The following NEK10 variants were observed in gnomAD, a reference collection of about 807,000 sequenced individuals.
NEK10 encodes serine/threonine-protein kinase Nek10.
NEK10 carries 122 observed loss-of-function variants against 159.8 expected under a neutral mutation model. The ratio of observed to expected loss-of-function variants is 0.76; its 90% confidence interval spans 0.66 to 0.89. The LOEUF (loss-of-function observed/expected upper bound fraction) is 0.89, where lower values mean the gene tolerates loss of function less well. Among genes scored for constraint, NEK10 ranks in the 40% least tolerant of loss-of-function variants. The pLI is 0.00. For missense variants in NEK10, 1,342 were observed against 1,323.1 expected, an observed-to-expected ratio of 1.01 and a Z score of -0.22; for synonymous variants, 466 against 457.1, an observed-to-expected ratio of 1.02 and a Z score of -0.25.
intron 23 of NEK10, chr3:27,255,281 T>C (rs1186456694): frequency 3.4e-5 from 15 of 436,556 alleles, no homozygotes; most frequent in South Asian, 1.2e-4. Flanking sequence ...TGCCACAGTT[T>C]CTTTGCATCT....
chr3:27,249,763 T>C (rs1955465653), intron 23 of NEK10, among the ~76,000 whole-genome samples: 1 of 152,200 alleles, frequency 6.6e-6, no homozygotes, highest in South Asian at 2.1e-4. Context: ...CATTTTGTCA[T>C]TTATGTTTTC....
chr3:27,280,908 ATATGG>A (rs959449045), intron 22 of NEK10, among the ~76,000 whole-genome samples: 5 of 118,440 alleles, frequency 4.2e-5, no homozygotes, highest in South Asian at 2.6e-4. Context: ...GTATATGTAC[ATATGG>A]TGTGTGTGTG....
At chr3:27,155,396 G>A (rs1211029673) in intron 30 of NEK10, among the ~76,000 whole-genome samples, 1 of 151,888 alleles carries the variant, frequency 6.6e-6, no homozygotes, top group Non-Finnish European at 1.5e-5. Flanking sequence ...CAGCTATTAG[G>A]GAGGCTGAGG....
At chr3:27,260,818 C>G (rs2040345450) in intron 22 of NEK10, among the ~76,000 whole-genome samples, 1 of 152,112 alleles carries the variant, frequency 6.6e-6, no homozygotes, top group Non-Finnish European at 1.5e-5. Flanking sequence ...CCTTGTACCT[C>G]TGGTAGAATT....
intron 5 of NEK10, among the ~76,000 whole-genome samples, chr3:27,335,124 A>T (rs2149729985): frequency 6.6e-6 from 1 of 152,254 alleles, no homozygotes; most frequent in African/African-American, 2.4e-5. Flanking sequence ...GGATCACCTG[A>T]GGTCAGGAGT....
rs2047544037 is a variant in NEK10, at chr3:27,346,235, A to G, written c.133-19T>C. 2 of 1,613,112 alleles carry G rather than the reference A, an allele frequency of 1.2e-6. No individual in the cohort carries two copies. Among genetic ancestry groups the G allele is most frequent in the African/African-American group, 1.3e-5 (1 of 74,906 alleles). On this transcript the variant is annotated intron_variant, in intron 3 of 35. Coordinates refer to ENST00000691995, the MANE Select transcript of NEK10 (RefSeq NM_001394966.1). ...CTGGAAGCTACAGAAATAGAAGCAT[A>G]GAGTACATGAGGATCACAATTCAGC...
chr3:27,199,329 A>G (rs923470307), intron 25 of NEK10, among the ~76,000 whole-genome samples: 1 of 152,352 alleles, frequency 6.6e-6, no homozygotes, highest in Non-Finnish European at 1.5e-5. Flanking sequence ...AAAAGAAGGC[A>G]TACATGTAGC....
chr3:27,239,197 CA>C (rs11337702), intron 23 of NEK10, among the ~76,000 whole-genome samples: 13,671 of 151,522 alleles, frequency 0.09, 2,032 homozygotes, highest in African/African-American at 0.31. Context: ...GTCAAGTTCA[CA>C]AAAAAAATTA....
At chr3:27,342,316 A>T (rs541715947) in intron 5 of NEK10, among the ~76,000 whole-genome samples, 3 of 152,186 alleles carry the variant, frequency 2.0e-5, no homozygotes, top group Non-Finnish European at 4.4e-5. Flanking sequence ...TTAGAAGGGA[A>T]GAAAAAAAAG....
At chr3:27,118,913 G>A (rs982408444) in intron 33 of NEK10, among the ~76,000 whole-genome samples, 1 of 152,126 alleles carries the variant, frequency 6.6e-6, no homozygotes, top group Non-Finnish European at 1.5e-5. Flanking sequence ...CAACAAAAGT[G>A]AGCATTTTTT....
intron 23 of NEK10, among the ~76,000 whole-genome samples, chr3:27,218,332 C>T (rs148792218): frequency 5.7e-4 from 86 of 152,086 alleles, no homozygotes; most frequent in African/African-American, 1.8e-3. Context: ...GTGGGCTGGG[C>T]GCAGTGGCTC....
At chr3:27,113,274 T>C (rs1939843947) in intron 35 of NEK10, among the ~76,000 whole-genome samples, 1 of 151,334 alleles carries the variant, frequency 6.6e-6, no homozygotes, top group African/African-American at 2.4e-5. Flanking sequence ...CTACTAAAAA[T>C]ACAAAAATTA....
chr3:27,314,932 G>A (rs2045035813), intron 6 of NEK10, among the ~76,000 whole-genome samples: 1 of 152,154 alleles, frequency 6.6e-6, no homozygotes, highest in Non-Finnish European at 1.5e-5. Flanking sequence ...ATTGCTCTAG[G>A]ACAGAAAGAG....
At chr3:27,294,320 G>A (rs2043197155) in intron 15 of NEK10, among the ~76,000 whole-genome samples, 1 of 152,194 alleles carries the variant, frequency 6.6e-6, no homozygotes, top group African/African-American at 2.4e-5. Context: ...AGGGTTTGGT[G>A]AATCAAATCT....
chr3:27,333,600 C>T (rs1248247774), intron 5 of NEK10, among the ~76,000 whole-genome samples: 4 of 151,752 alleles, frequency 2.6e-5, no homozygotes, highest in Non-Finnish European at 4.4e-5. Context: ...TATCCTGCAA[C>T]CCAGTAGCAC....
chr3:27,308,805 C>T (rs1295662623), intron 10 of NEK10, 121 bp downstream of exon 10: 24 of 454,010 alleles, frequency 5.3e-5, no homozygotes. Flanking sequence ...CATGTTATTT[C>T]ACACTTATTT....
intron 1 of NEK10, among the ~76,000 whole-genome samples, chr3:27,368,295 AG>A (rs1358755174): frequency 2.3e-4 from 35 of 151,440 alleles, no homozygotes; most frequent in Non-Finnish European, 1.5e-4. Context: ...CTTCTAAAAA[AG>A]GAGTCTTTTT....
At chr3:27,143,423 T>C (rs1412240807) in intron 30 of NEK10, 3 of 751,374 alleles carry the variant, frequency 4.0e-6, no homozygotes, top group East Asian at 2.5e-5. Context: ...TTGAATGGGA[T>C]ATCACATAGG....
chr3:27,223,664 T>C (rs1178371296), intron 23 of NEK10, among the ~76,000 whole-genome samples: 3 of 152,316 alleles, frequency 2.0e-5, no homozygotes, highest in Non-Finnish European at 4.4e-5. Context: ...TTCCTGTCTC[T>C]GTGTTTGCCT....
Sources: allele counts gnomAD v4.1 joint callset (sites outside exome capture counted in the v4.1 genomes callset), GRCh38; gene constraint gnomAD v4.1.1; transcripts MANE v1.5; gene names NCBI Gene and HGNC (gene_info 2026-07-23, HGNC 2026-07-21).